The following STIP1 variants were observed in gnomAD, a reference collection of about 807,000 sequenced individuals.
The protein encoded by STIP1 is stress-induced-phosphoprotein 1.
Under a neutral mutation model 77.4 loss-of-function variants are expected in STIP1, and 16 were observed. The observed-to-expected ratio is 0.21, with a 90% confidence interval of 0.14 to 0.31. STIP1 has a LOEUF of 0.31. Ranked by LOEUF, STIP1 falls within the 10% of genes least tolerant of loss-of-function variation. The probability of loss-of-function intolerance (pLI) is 1.00; values close to 1 mark genes in which losing one functional copy is unlikely to be tolerated. For missense variants in STIP1, 524 were observed against 684.8 expected (o/e 0.77, Z 2.62); for synonymous variants, 258 against 246.6 (o/e 1.05, Z -0.44).
Position 64,203,439 on chromosome 11 carries a change from C to T in STIP1, c.1387-11C>T, listed in dbSNP as rs1291800149. The T allele has an allele frequency of 2.5e-6, 4 of 1,613,866 alleles. No homozygotes were observed. The highest frequency in any genetic ancestry group is 3.4e-6 in the Non-Finnish European group (4 of 1,179,896). The stretch of plus-strand genomic sequence containing the variant: ...CTAACACGCTTCACCTTTGTCTCTT[C>T]TGGACTGCAGGAGGCGGCAGACGGC... On this transcript the variant is annotated splice_polypyrimidine_tract_variant and intron_variant, in intron 12 of 13. Coordinates refer to ENST00000305218, the MANE Select transcript of STIP1 (RefSeq NM_006819.3).
chr11:64,200,077 T>C (rs1291198844), intron 9 of STIP1, 41 bp downstream of exon 9: 1 of 1,613,840 alleles, frequency 6.2e-7, no homozygotes. Context: ...CAGTGCTGGG[T>C]GTGCCTCCCG....
intron 1 of STIP1, among the ~76,000 whole-genome samples, chr11:64,189,653 A>G (rs1280706012): frequency 6.6e-6 from 1 of 152,196 alleles, no homozygotes; most frequent in African/African-American, 2.4e-5. Flanking sequence ...TAACACATTC[A>G]GCAAAACAGT....
chr11:64,204,233 T>C lies in STIP1; in HGVS notation c.*107T>C. On this transcript the variant is annotated 3_prime_UTR_variant, in exon 14 of 14. Coordinates refer to ENST00000305218, the MANE Select transcript of STIP1 (RefSeq NM_006819.3). ...AGAGCAGGGGAGAGAAGGCCTCATC[T>C]CTCTATATTTATACATAACCCCGGG... The C allele has an allele frequency of 8.9e-7, 1 of 1,124,118 alleles. No homozygotes were observed. Among genetic ancestry groups the C allele is most frequent in the South Asian group, 1.4e-5 (1 of 73,268 alleles). 69.6% of individuals were successfully genotyped at this position (1,124,118 alleles called of 1,614,324 possible).
chr11:64,194,070 T>G, intron 2 of STIP1, 119 bp from the exon 3 acceptor site: 1 of 1,385,428 alleles, frequency 7.2e-7, no homozygotes. Flanking sequence ...TTTTTCTCTT[T>G]GGCCTTCATG....
chr11:64,186,328 G>T, intron 1 of STIP1, 58 bp downstream of exon 1: 1 of 1,400,158 alleles, frequency 7.1e-7, no homozygotes, highest in South Asian at 1.5e-5. Flanking sequence ...GCGGTGGCCA[G>T]GCCGCGGTAG....
At position 64,197,352 on chromosome 11, in the gene STIP1, A is replaced by G; in HGVS notation, c.754A>G (p.Lys252Glu). 6.2e-7 allele frequency: 1 copy of G among 1,614,066 alleles called. No homozygotes were observed. Among genetic ancestry groups the G allele is most frequent in the Non-Finnish European group, 8.5e-7 (1 of 1,180,026 alleles). ...AGCCTTGAAGCATTACGACAAAGCC[A>G]AGGAGCTGGACCCCACTAACATGAC... is the stretch of plus-strand genomic sequence containing the variant. ...DTALKHYDKAKELDPTNMTYI... is the reference protein window; with the variant it reads ...DTALKHYDKAEELDPTNMTYI... Residue 252 changes from lysine to glutamate, a missense_variant, in exon 6 of 14, where the codon AAG becomes GAG. Transcript: ENST00000305218.
chr11:64,191,617 TAATA>T (rs773915745), intron 1 of STIP1, among the ~76,000 whole-genome samples: 4 of 151,944 alleles, frequency 2.6e-5, no homozygotes, highest in African/African-American at 7.3e-5. Flanking sequence ...AAAATAATAA[TAATA>T]AATACAATGA....
chr11:64,191,028 A>G (rs1031362855), intron 1 of STIP1, among the ~76,000 whole-genome samples: 1 of 151,998 alleles, frequency 6.6e-6, no homozygotes, highest in Non-Finnish European at 1.5e-5. Flanking sequence ...TCTCTACTAA[A>G]AATACAAAAT....
At chr11:64,190,335 G>A (rs530585153) in intron 1 of STIP1, among the ~76,000 whole-genome samples, 41 of 152,180 alleles carry the variant, frequency 2.7e-4, no homozygotes, top group African/African-American at 8.2e-4. Context: ...CACCACGCCC[G>A]GCTAATTTTT....
chr11:64,192,120 C>T (rs889776642), intron 1 of STIP1, among the ~76,000 whole-genome samples: 1 of 152,164 alleles, frequency 6.6e-6, no homozygotes, highest in African/African-American at 2.4e-5. Context: ...TTAAGACCAG[C>T]CTGACCAATA....
At chr11:64,188,902 G>T (rs925999910) in intron 1 of STIP1, among the ~76,000 whole-genome samples, 2 of 152,156 alleles carry the variant, frequency 1.3e-5, no homozygotes, top group Non-Finnish European at 2.9e-5. Flanking sequence ...CAACTGTGAG[G>T]TTTGTATTTC....
chr11:64,194,833 G>C (rs1469731867), intron 4 of STIP1, among the ~76,000 whole-genome samples: 1 of 152,188 alleles, frequency 6.6e-6, no homozygotes, highest in African/African-American at 2.4e-5. Context: ...TTTGTCATCT[G>C]TATACACCTC....
chr11:64,187,462 C>T (rs536979133), intron 1 of STIP1, among the ~76,000 whole-genome samples: 2 of 152,304 alleles, frequency 1.3e-5, no homozygotes, highest in African/African-American at 2.4e-5. Context: ...TTAAATAAGA[C>T]ATCTCGATGG....
At chr11:64,190,259 C>T (rs369618844) in intron 1 of STIP1, among the ~76,000 whole-genome samples, 1 of 152,242 alleles carries the variant, frequency 6.6e-6, no homozygotes, top group African/African-American at 2.4e-5. Context: ...CTGCAACCTC[C>T]GCCTCCCAGG....
At chr11:64,199,638 C>A (rs1946193504) in intron 8 of STIP1, among the ~76,000 whole-genome samples, 1 of 148,786 alleles carries the variant, frequency 6.7e-6, no homozygotes, top group South Asian at 2.2e-4. Context: ...TCTCGGCTCA[C>A]TGCAAGCTTC....
intron 10 of STIP1, among the ~76,000 whole-genome samples, chr11:64,201,250 A>T (rs1946217136): frequency 6.6e-6 from 1 of 152,144 alleles, no homozygotes; most frequent in South Asian, 2.1e-4. Flanking sequence ...ATGTTTTCCC[A>T]GGCTGGTCTC....
At position 64,204,200 on chromosome 11, in the gene STIP1, C is replaced by T. The variant is rs979897850; in HGVS notation, c.*74C>T. 8 of 1,493,788 alleles carry T rather than the reference C, an allele frequency of 5.4e-6. No individual in the cohort carries two copies. Among genetic ancestry groups the T allele is most frequent in the African/African-American group, 2.8e-5 (2 of 71,656 alleles). 92.5% of individuals were successfully genotyped at this position (1,493,788 alleles called of 1,614,324 possible). ...TGGGACCGCGGCGAGCAGCACGGAG[C>T]GGAAGGGAGAGCAGGGGAGAGAAGG... On this transcript the variant is annotated 3_prime_UTR_variant, in exon 14 of 14. Coordinates refer to ENST00000305218, the MANE Select transcript of STIP1 (RefSeq NM_006819.3).
Position 64,186,261 on chromosome 11 carries a change from T to G in STIP1, c.-1T>G. On this transcript the variant is annotated 5_prime_UTR_variant, in exon 1 of 14. Transcript: ENST00000305218. ...AACGGGGTTCCGGACCGCGCTGCGC[T>G]ATGGAGCAGGTGAAGGGGGAGGGGC... 1 of 1,546,326 alleles carries G rather than the reference T, an allele frequency of 6.5e-7. No individual in the cohort carries two copies. Among genetic ancestry groups the G allele is most frequent in the Non-Finnish European group, 8.7e-7 (1 of 1,146,228 alleles).
intron 8 of STIP1, among the ~76,000 whole-genome samples, chr11:64,198,304 C>T (rs1236182481): frequency 6.6e-6 from 1 of 152,026 alleles, no homozygotes; most frequent in Non-Finnish European, 1.5e-5. Context: ...CCTCCGCCTC[C>T]CAGGTTCAAG....
Sources: allele counts gnomAD v4.1 joint callset (sites outside exome capture counted in the v4.1 genomes callset), GRCh38; gene constraint gnomAD v4.1.1; transcripts MANE v1.5; gene names NCBI Gene and HGNC (gene_info 2026-07-23, HGNC 2026-07-21).